Variants in HEMK2 observed in about 807,000 individuals in gnomAD.
HEMK2 encodes the protein HemK methyltransferase 2, ETF1 glutamine and histone H4 lysine.
chr21:28,613,081 TAGATAGATAGATAGAA>T, the HEMK2 span, among the ~76,000 whole-genome samples: 1 of 150,372 alleles, frequency 6.7e-6, no homozygotes, highest in Non-Finnish European at 1.5e-5. Flanking sequence ...ATGTGATAGA[TAGATAGATAGATAGAA>T]AGATAGATAG....
chr21:28,623,230 A>G, the HEMK2 span, among the ~76,000 whole-genome samples: 1 of 152,352 alleles, frequency 6.6e-6, no homozygotes, highest in African/African-American at 2.4e-5. Flanking sequence ...AAACATATGA[A>G]AAAAACTCAT....
the HEMK2 span, among the ~76,000 whole-genome samples, chr21:28,838,538 T>TAA: frequency 1.6e-5 from 2 of 121,486 alleles, no homozygotes; most frequent in African/African-American, 6.7e-5. Context: ...TGTCTCAAAA[T>TAA]AAAAAAAAAA....
the HEMK2 span, among the ~76,000 whole-genome samples, chr21:28,603,989 G>T: frequency 4.6e-5 from 7 of 152,170 alleles, no homozygotes; most frequent in Admixed American, 6.5e-5. Context: ...TCTGGTCCAG[G>T]CAGGCCAACT....
chr21:28,867,626 T>C, the HEMK2 span, among the ~76,000 whole-genome samples: 1 of 152,212 alleles, frequency 6.6e-6, no homozygotes, highest in Admixed American at 6.5e-5. Context: ...ATAGTATTCA[T>C]ACAACAATTA....
At chr21:28,672,499 C>T in the HEMK2 span, among the ~76,000 whole-genome samples, 1 of 152,124 alleles carries the variant, frequency 6.6e-6, no homozygotes, top group South Asian at 2.1e-4. Context: ...CAGAAATGTG[C>T]AAGGCTCCTG....
At chr21:28,839,000 T>TATATATATATATATACAC in the HEMK2 span, among the ~76,000 whole-genome samples, 1 of 58,016 alleles carries the variant, frequency 1.7e-5, no homozygotes, top group Admixed American at 2.6e-4. Flanking sequence ...TATATATATA[T>TATATATATATATATACAC]ACATATATAT....
the HEMK2 span, among the ~76,000 whole-genome samples, chr21:28,594,522 C>A: frequency 6.6e-6 from 1 of 152,162 alleles, no homozygotes; most frequent in African/African-American, 2.4e-5. Flanking sequence ...TAAAAGCAGT[C>A]TGACTGCAGG....
the HEMK2 span, among the ~76,000 whole-genome samples, chr21:28,638,666 C>A: frequency 6.6e-6 from 1 of 152,188 alleles, no homozygotes; most frequent in Non-Finnish European, 1.5e-5. Context: ...CCCAGCTCAG[C>A]TCATTCTACC....
the HEMK2 span, among the ~76,000 whole-genome samples, chr21:28,768,106 A>G: frequency 6.6e-6 from 1 of 151,980 alleles, no homozygotes; most frequent in Non-Finnish European, 1.5e-5. Flanking sequence ...AGAGGCTGAG[A>G]TCTCTCACAG....
At chr21:28,850,532 T>G in the HEMK2 span, among the ~76,000 whole-genome samples, 5 of 152,146 alleles carry the variant, frequency 3.3e-5, no homozygotes, top group African/African-American at 9.7e-5. Flanking sequence ...GAAAAGAAAT[T>G]CCAACCAAGA....
At chr21:28,876,602 C>A in the HEMK2 span, 1 of 612,984 alleles carries the variant, frequency 1.6e-6, no homozygotes, top group Non-Finnish European at 2.7e-6. Context: ...ATTCATCTGA[C>A]AAAACAATGT....
At chr21:28,659,598 C>A in the HEMK2 span, among the ~76,000 whole-genome samples, 1 of 151,922 alleles carries the variant, frequency 6.6e-6, no homozygotes, top group Non-Finnish European at 1.5e-5. Context: ...CTCAACATTG[C>A]AATATAATGA....
At chr21:28,833,664 AGAG>A in the HEMK2 span, among the ~76,000 whole-genome samples, 1 of 152,228 alleles carries the variant, frequency 6.6e-6, no homozygotes, top group African/African-American at 2.4e-5. Context: ...ATTTATGGAA[AGAG>A]GCCACATATG....
chr21:28,612,693 C>A, the HEMK2 span, among the ~76,000 whole-genome samples: 2 of 152,148 alleles, frequency 1.3e-5, no homozygotes, highest in Non-Finnish European at 2.9e-5. Context: ...TAAAACCCCT[C>A]CAGAAAGCTC....
At chr21:28,865,467 T>C in the HEMK2 span, among the ~76,000 whole-genome samples, 127,913 of 152,244 alleles carry the variant, frequency 0.84, 54,185 homozygotes, top group South Asian at 0.93. Flanking sequence ...ACGCCCAGCC[T>C]AGAATGATCT....
At chr21:28,726,888 T>A in the HEMK2 span, among the ~76,000 whole-genome samples, 6 of 119,132 alleles carry the variant, frequency 5.0e-5, no homozygotes, top group East Asian at 3.4e-4. Flanking sequence ...AAAAAAAAAA[T>A]TATTTAGAAT....
At chr21:28,748,973 T>A in the HEMK2 span, among the ~76,000 whole-genome samples, 3 of 100,362 alleles carry the variant, frequency 3.0e-5, no homozygotes, top group South Asian at 7.6e-4. Flanking sequence ...CATCACATAC[T>A]TTTAAGATCT....
chr21:28,685,502 C>G, the HEMK2 span, among the ~76,000 whole-genome samples: 1 of 152,090 alleles, frequency 6.6e-6, no homozygotes, highest in Non-Finnish European at 1.5e-5. Context: ...ATTAAGAAAG[C>G]AGAAGATTTA....
At chr21:28,603,738 A>G in the HEMK2 span, among the ~76,000 whole-genome samples, 1 of 152,194 alleles carries the variant, frequency 6.6e-6, no homozygotes, top group South Asian at 2.1e-4. Flanking sequence ...TCATCCTGCT[A>G]CAACATCACT....
Sources: allele counts gnomAD v4.1 joint callset (sites outside exome capture counted in the v4.1 genomes callset), GRCh38; gene constraint gnomAD v4.1.1; transcripts MANE v1.5; gene names NCBI Gene and HGNC (gene_info 2026-07-23, HGNC 2026-07-21).